Variants in RBFOX1 observed in about 807,000 individuals in gnomAD.
RBFOX1 encodes RNA binding protein fox-1 homolog 1.
Under a neutral mutation model 57.7 loss-of-function variants are expected in RBFOX1, and 8 were observed. The ratio of observed to expected loss-of-function variants is 0.14; its 90% CI spans 0.08 to 0.25. The LOEUF (loss-of-function observed/expected upper bound fraction) is 0.25. RBFOX1 is among the 10% of genes least tolerant of loss of function. The pLI is 1.00. For missense variants in RBFOX1, 611 were observed against 548.5 expected (o/e 1.11, Z -1.14); for synonymous variants, 326 against 222.4 (o/e 1.47, Z -4.15).
At chr16:7,246,418 G>A (rs1339740779) in intron 4 of RBFOX1, among the ~76,000 whole-genome samples, 2 of 152,106 alleles carry the variant, frequency 1.3e-5, no homozygotes, top group Non-Finnish European at 2.9e-5. Context: ...TTGAATGTGT[G>A]ATTTTTTTAG....
chr16:6,895,048 G>A (rs2066424401), intron 3 of RBFOX1, among the ~76,000 whole-genome samples: 1 of 152,040 alleles, frequency 6.6e-6, no homozygotes, highest in Non-Finnish European at 1.5e-5. Context: ...TTCAAATGCT[G>A]GCTGTAGATA....
At chr16:7,164,635 T>TACAC (rs369314030) in intron 4 of RBFOX1, among the ~76,000 whole-genome samples, 1 of 152,192 alleles carries the variant, frequency 6.6e-6, no homozygotes, top group African/African-American at 2.4e-5. Flanking sequence ...TTTCTGTGTA[T>TACAC]ACACACACAC....
At chr16:7,088,670 T>A (rs1414446674) in intron 4 of RBFOX1, among the ~76,000 whole-genome samples, 6 of 152,038 alleles carry the variant, frequency 3.9e-5, no homozygotes, top group African/African-American at 1.4e-4. Context: ...TTAGAAAAAA[T>A]TACTTATTAT....
At chr16:6,782,596 T>C (rs909464283) in intron 3 of RBFOX1, among the ~76,000 whole-genome samples, 4 of 152,144 alleles carry the variant, frequency 2.6e-5, no homozygotes, top group Admixed American at 2.0e-4. Context: ...AAAAGATACC[T>C]GCTATGATTT....
At chr16:7,710,555 T>C in intron 15 of RBFOX1, 68 bp from the exon 16 acceptor site, 1 of 1,595,424 alleles carries the variant, frequency 6.3e-7, no homozygotes, top group East Asian at 2.3e-5. Context: ...CACATTAGTC[T>C]TTTTGATGAT....
intron 4 of RBFOX1, among the ~76,000 whole-genome samples, chr16:7,427,901 G>T (rs1238014812): frequency 6.6e-6 from 1 of 152,122 alleles, no homozygotes; most frequent in Non-Finnish European, 1.5e-5. Context: ...TGATCTGCCT[G>T]CCTTGGCCTC....
intron 3 of RBFOX1, among the ~76,000 whole-genome samples, chr16:6,808,550 A>C (rs1471319984): frequency 3.3e-5 from 5 of 152,090 alleles, no homozygotes; most frequent in African/African-American, 1.2e-4. Flanking sequence ...ATACTCAACA[A>C]ACATTGTCTG....
chr16:7,427,932 G>A lies in RBFOX1; in HGVS notation c.28-90215G>A, dbSNP rs984873653. On this transcript the variant is annotated intron_variant, in intron 4 of 15. Transcript: ENST00000550418. ...GCCTCCTAAAGTGCTCAGCCACCAT[G>A]CACAGTCTTAATTTAGCTGTTTCTT... Among the ~76,000 whole-genome samples the A allele has an allele frequency of 3.2e-4, 48 of 152,160 alleles. 1 individual carries two copies. The highest frequency in any genetic ancestry group is 1.5e-5 in the Non-Finnish European group (1 of 68,034).
chr16:7,525,859 G>T (rs141543216), intron 5 of RBFOX1, among the ~76,000 whole-genome samples: 156 of 152,256 alleles, frequency 1.0e-3, no homozygotes, highest in African/African-American at 3.4e-3. Flanking sequence ...GTTGGGAATG[G>T]TGCAGTTGAG....
intron 1 of RBFOX1, among the ~76,000 whole-genome samples, chr16:6,305,521 A>C (rs2079394184): frequency 6.6e-6 from 1 of 151,832 alleles, no homozygotes; most frequent in East Asian, 2.0e-4. Flanking sequence ...ATATTTACTG[A>C]GTTCATTTAA....
chr16:7,166,715 C>G (rs1323680931), intron 4 of RBFOX1, among the ~76,000 whole-genome samples: 1 of 152,060 alleles, frequency 6.6e-6, no homozygotes, highest in Admixed American at 6.5e-5. Context: ...TAGGATGACT[C>G]TAACCGGCAT....
At chr16:6,375,131 G>T (rs2090997461) in intron 2 of RBFOX1, among the ~76,000 whole-genome samples, 1 of 152,048 alleles carries the variant, frequency 6.6e-6, no homozygotes, top group Non-Finnish European at 1.5e-5. Flanking sequence ...ATTTCCTTAG[G>T]GGAGGAGGTG....
intron 2 of RBFOX1, among the ~76,000 whole-genome samples, chr16:6,468,492 T>C (rs2095101769): frequency 6.6e-6 from 1 of 152,164 alleles, no homozygotes; most frequent in Non-Finnish European, 1.5e-5. Context: ...GTCTAGAGAT[T>C]ATGAGTGATG....
chr16:6,981,566 C>T (rs950967819), intron 3 of RBFOX1, among the ~76,000 whole-genome samples: 1 of 152,118 alleles, frequency 6.6e-6, no homozygotes, highest in East Asian at 1.9e-4. Context: ...ATTAAATTGA[C>T]TGACAGTTCC....
chr16:5,870,331 A>G (rs1277555364), intron 4 of RBFOX1, among the ~76,000 whole-genome samples: 5 of 150,034 alleles, frequency 3.3e-5, no homozygotes, highest in African/African-American at 1.2e-4. Context: ...ATAGAGCTCT[A>G]CAATGAAAAC....
chr16:7,404,216 C>G (rs2098296194), intron 4 of RBFOX1, among the ~76,000 whole-genome samples: 1 of 151,784 alleles, frequency 6.6e-6, no homozygotes, highest in Non-Finnish European at 1.5e-5. Flanking sequence ...CCATACTTGG[C>G]TAAGTTTTGT....
At chr16:6,407,304 C>G (rs1448034315) in intron 2 of RBFOX1, among the ~76,000 whole-genome samples, 1 of 152,030 alleles carries the variant, frequency 6.6e-6, no homozygotes, top group Non-Finnish European at 1.5e-5. Context: ...CAAATATGTA[C>G]ATATACATTT....
chr16:5,306,396 T>A (rs1488222610), intron 1 of RBFOX1, among the ~76,000 whole-genome samples: 2 of 151,712 alleles, frequency 1.3e-5, no homozygotes, highest in Non-Finnish European at 1.5e-5. Flanking sequence ...CTTGACCCAC[T>A]GCAACCTCCT....
chr16:5,394,483 CT>C (rs1312259009), intron 1 of RBFOX1, among the ~76,000 whole-genome samples: 1 of 152,016 alleles, frequency 6.6e-6, no homozygotes, highest in Non-Finnish European at 1.5e-5. Flanking sequence ...GACTTGACCC[CT>C]GAAACATATC....
Sources: allele counts gnomAD v4.1 joint callset (sites outside exome capture counted in the v4.1 genomes callset), GRCh38; gene constraint gnomAD v4.1.1; transcripts MANE v1.5; gene names NCBI Gene and HGNC (gene_info 2026-07-23, HGNC 2026-07-21).